The following PPP1R17 variants were observed in gnomAD, a reference collection of about 807,000 sequenced individuals.
PPP1R17 encodes protein phosphatase 1 regulatory subunit 17.
A neutral mutation model predicts 15.9 loss-of-function variants in PPP1R17; 12 were observed. That is an observed-to-expected ratio of 0.75 (90% CI 0.48 to 1.22). PPP1R17 has a LOEUF of 1.22. PPP1R17 is among the 50% of genes most tolerant of loss of function. PPP1R17 has a pLI of 0.00. For missense variants in PPP1R17, 211 were observed against 187.3 expected (o/e 1.13, Z -0.74); for synonymous variants, 63 against 64.5 (o/e 0.98, Z 0.11).
At chr7:31,700,669 G>T (rs1792809446) in intron 4 of PPP1R17, among the ~76,000 whole-genome samples, 1 of 152,140 alleles carries the variant, frequency 6.6e-6, no homozygotes, top group Admixed American at 6.5e-5. Flanking sequence ...TCAATGCCTG[G>T]CTTCAAAACT....
At chr7:31,690,316 T>C (rs1010888290) in intron 1 of PPP1R17, among the ~76,000 whole-genome samples, 2 of 152,254 alleles carry the variant, frequency 1.3e-5, no homozygotes, top group Non-Finnish European at 2.9e-5. Flanking sequence ...GCAGCTATGC[T>C]ATTTCATCTT....
chr7:31,700,874 T>C (rs1792819207), intron 4 of PPP1R17, among the ~76,000 whole-genome samples: 1 of 152,210 alleles, frequency 6.6e-6, no homozygotes, highest in Non-Finnish European at 1.5e-5. Context: ...TACTGAATAA[T>C]TTAAGCCTAC....
Position 31,695,499 on chromosome 7 carries a change from G to A in PPP1R17, c.113G>A (p.Cys38Tyr), listed in dbSNP as rs376552489. The A allele has an allele frequency of 9.9e-6, 16 of 1,612,912 alleles. No individual in the cohort carries two copies. Among genetic ancestry groups the A allele is most frequent in the Non-Finnish European group, 1.4e-5 (16 of 1,179,642 alleles). The change falls in exon 3 of 5, where the codon TGT (cysteine) becomes TAT (tyrosine). Residue 38 changes from cysteine (C) to tyrosine (Y), a missense_variant. Coordinates refer to ENST00000342032, the MANE Select transcript of PPP1R17 (RefSeq NM_006658.5). ...DDLSDQFIKD[C>Y]DLKKKPRKGK... ...CTTTCAGACCAGTTCATTAAGGACT[G>A]TGATCTCAAAAAGAAGCCTAGAAAG...
chr7:31,693,368 T>G (rs1017005246), intron 2 of PPP1R17, among the ~76,000 whole-genome samples: 4 of 152,230 alleles, frequency 2.6e-5, no homozygotes, highest in African/African-American at 4.8e-5. Flanking sequence ...GACTATGGCA[T>G]GTAAAATATT....
intron 2 of PPP1R17, among the ~76,000 whole-genome samples, chr7:31,695,151 C>CT (rs1307630647): frequency 3.7e-5 from 2 of 53,980 alleles, no homozygotes; most frequent in African/African-American, 2.9e-4. Context: ...AACCTATTCT[C>CT]CCATCAGAAA....
intron 1 of PPP1R17, among the ~76,000 whole-genome samples, chr7:31,688,628 A>C (rs546490813): frequency 2.7e-4 from 41 of 152,334 alleles, no homozygotes; most frequent in Middle Eastern, 3.4e-3. Flanking sequence ...TGTGACATCA[A>C]TTTACATATT....
At chr7:31,701,148 C>T (rs899205368) in intron 4 of PPP1R17, among the ~76,000 whole-genome samples, 2 of 152,166 alleles carry the variant, frequency 1.3e-5, no homozygotes, top group African/African-American at 4.8e-5. Flanking sequence ...ACAAAGTAAA[C>T]TGAAAACCTT....
At chr7:31,704,206 G>C (rs1055966008) in intron 4 of PPP1R17, among the ~76,000 whole-genome samples, 2 of 152,208 alleles carry the variant, frequency 1.3e-5, no homozygotes, top group Non-Finnish European at 2.9e-5. Flanking sequence ...GATGTCCATT[G>C]AAAGTGACAC....
chr7:31,689,998 G>C (rs1792272581), intron 1 of PPP1R17, among the ~76,000 whole-genome samples: 1 of 152,192 alleles, frequency 6.6e-6, no homozygotes, highest in South Asian at 2.1e-4. Flanking sequence ...TGTGGAGGAA[G>C]CATGTGTCAG....
At chr7:31,696,557 C>T (rs997760189) in intron 3 of PPP1R17, among the ~76,000 whole-genome samples, 97 of 152,204 alleles carry the variant, frequency 6.4e-4, no homozygotes, top group South Asian at 2.5e-3. Flanking sequence ...AGTGTGCAGA[C>T]GCAGCTTGCA....
rs76699814 is a variant in PPP1R17, at chr7:31,687,825, A to G, written c.-37+519A>G. Among the ~76,000 whole-genome samples the G allele has an allele frequency of 3.4e-3, 520 of 152,358 alleles. 3 individuals carry two copies. Among genetic ancestry groups the G allele is most frequent in the African/African-American group, 0.012 (493 of 41,584 alleles). On this transcript the variant is annotated intron_variant, in intron 1 of 4. Coordinates refer to ENST00000342032, the MANE Select transcript of PPP1R17 (RefSeq NM_006658.5). ...AGGGTGCATTAACGAGATACCACAT[A>G]GGCTGTGGATACAACCTTCTACCCT... is the stretch of plus-strand genomic sequence containing the variant.
intron 4 of PPP1R17, among the ~76,000 whole-genome samples, chr7:31,706,041 G>GTCTTGCTCTAGTC (rs1793058279): frequency 9.5e-6 from 1 of 105,454 alleles, no homozygotes. Context: ...GTCTTGCTCT[G>GTCTTGCTCTAGTC]TTGCCCAGGC....
intron 4 of PPP1R17, among the ~76,000 whole-genome samples, chr7:31,705,754 A>T (rs1793040037): frequency 6.6e-6 from 1 of 151,988 alleles, no homozygotes; most frequent in South Asian, 2.1e-4. Flanking sequence ...GCGTCTCATT[A>T]TGAGAAGGAA....
chr7:31,689,923 A>G (rs1792268863), intron 1 of PPP1R17, among the ~76,000 whole-genome samples: 1 of 152,190 alleles, frequency 6.6e-6, no homozygotes, highest in African/African-American at 2.4e-5. Flanking sequence ...GTTCACCACC[A>G]CCATTCTTTA....
intron 4 of PPP1R17, among the ~76,000 whole-genome samples, chr7:31,706,335 G>T (rs1793070989): frequency 6.6e-6 from 1 of 152,046 alleles, no homozygotes; most frequent in Non-Finnish European, 1.5e-5. Flanking sequence ...ATAGTGTGGA[G>T]CCCAACATAG....
chr7:31,694,919 A>G (rs557962763), intron 2 of PPP1R17, among the ~76,000 whole-genome samples: 1 of 152,280 alleles, frequency 6.6e-6, no homozygotes, highest in Non-Finnish European at 1.5e-5. Flanking sequence ...GGCAAATAGG[A>G]GGGTTACAAA....
rs868039671 is a variant in PPP1R17 at position 31,697,080 on chromosome 7, A to C, written c.351A>C (p.Lys117Asn). ...TGGAACAGAAAAAGCCAAGGAGAAAAGACACACCTGCCCTGCACATGTCCC... is the reference window on the plus strand; with the variant it reads ...TGGAACAGAAAAAGCCAAGGAGAAACGACACACCTGCCCTGCACATGTCCC... ...TDLEQKKPRRKDTPALHMSPF... is the reference protein window; with the variant it reads ...TDLEQKKPRRNDTPALHMSPF... Residue 117 changes from lysine to asparagine, a missense_variant, in exon 4 of 5, where the codon AAA (lysine) becomes AAC (asparagine). Lys to Asn is a moderately conservative substitution (Grantham distance 94). Coordinates refer to ENST00000342032, the MANE Select transcript of PPP1R17 (RefSeq NM_006658.5). The C allele has an allele frequency of 6.2e-7, 1 of 1,614,126 alleles. No homozygotes were observed. The highest frequency in any genetic ancestry group is 1.1e-5 in the South Asian group (1 of 91,078).
At chr7:31,691,797 T>TAAAA (rs377169335) in intron 1 of PPP1R17, among the ~76,000 whole-genome samples, 28 of 86,526 alleles carry the variant, frequency 3.2e-4, no homozygotes, top group East Asian at 6.4e-4. Flanking sequence ...ATGTAATGAT[T>TAAAA]AAAAAAAAAA....
At position 31,697,121 on chromosome 7, in the gene PPP1R17, A is replaced by G. The variant is rs778323888; in HGVS notation, c.388+4A>G. 4 of 1,613,692 alleles carry G rather than the reference A, an allele frequency of 2.5e-6. No homozygotes were observed. Among genetic ancestry groups the G allele is most frequent in the Non-Finnish European group, 3.4e-6 (4 of 1,179,816 alleles). On this transcript the variant is annotated splice_donor_region_variant and intron_variant, in intron 4 of 4. Coordinates refer to ENST00000342032, the MANE Select transcript of PPP1R17 (RefSeq NM_006658.5). ...CACATGTCCCCCTTTGCAGCAGGTA[A>G]AAAAGCTGGTGCAGGGCATTTGCAG...
Sources: gnomAD v4.1 joint callset for allele counts (sites outside exome capture counted in the v4.1 genomes callset) on GRCh38, gnomAD v4.1.1 for gene constraint, MANE v1.5 for transcripts, NCBI Gene and HGNC (gene_info 2026-07-23, HGNC 2026-07-21) for gene names.